Variants in TAGAP observed in about 807,000 individuals in gnomAD.
TAGAP encodes T-cell activation Rho GTPase-activating protein.
A neutral mutation model predicts 36.0 loss-of-function variants in TAGAP; 16 were observed. The observed-to-expected ratio is 0.44, with a 90% CI of 0.30 to 0.68. The LOEUF (loss-of-function observed/expected upper bound fraction) is 0.68. TAGAP is among the 30% of genes least tolerant of loss of function. The pLI, the probability that TAGAP is intolerant of heterozygous loss-of-function variation, is 0.09. For synonymous variants in TAGAP, 372 were observed against 377.4 expected (o/e 0.99, Z 0.17); for missense variants, 794 against 921.5 (o/e 0.86, Z 1.79).
rs1223312475 is a variant in TAGAP at position 159,035,934 on chromosome 6, C to T, written c.2089G>A (p.Val697Ile). The T allele has an allele frequency of 9.3e-6, 15 of 1,614,072 alleles. No individual in the cohort carries two copies. The highest frequency in any genetic ancestry group is 1.3e-5 in the African/African-American group (1 of 74,924). ...GRPELLPLRT[V>I]SESVQRNKRD... is the part of the protein sequence containing the mutation. ...TTATTCCTCTGCACGGACTCGGAGA[C>T]GGTCCTCAGCGGGAGGAGCTCAGGT... Residue 697 changes from valine to isoleucine, a missense_variant, in exon 10 of 10, where the codon GTC becomes ATC. Physicochemically the swap from Val to Ile is conservative, Grantham distance 29. Transcript: ENST00000367066.
At position 159,036,688 on chromosome 6, in the gene TAGAP, C is replaced by T. The variant is rs1358879000; in HGVS notation, c.1335G>A (p.Leu445=). 1 of 1,614,024 alleles carries T rather than the reference C, an allele frequency of 6.2e-7. No individual in the cohort carries two copies. Among genetic ancestry groups the T allele is most frequent in the African/African-American group, 1.3e-5 (1 of 74,910 alleles). Residue 445 remains leucine, a synonymous_variant, in exon 10 of 10, where the codon TTG becomes TTA. Coordinates refer to ENST00000367066, the MANE Select transcript of TAGAP (RefSeq NM_054114.5). The surrounding 1 kb of genome is among the most constrained non-coding windows in gnomAD (Gnocchi z 4.9). ...CCCGCGGGAGCACCGAACCCGGGGC[C>T]AAGTTCTTGATCTTCAGGTCCACCG... ...KRPVDLKIKN[L]APGSVLPRAL... is the part of the protein sequence containing the mutation.
Position 159,034,588 on chromosome 6 carries a change from C to G in TAGAP, c.*1239G>C, listed in dbSNP as rs1350173539. On this transcript the variant is annotated 3_prime_UTR_variant, in exon 10 of 10. Coordinates refer to ENST00000367066, the MANE Select transcript of TAGAP (RefSeq NM_054114.5). ...ATCTTAATAATCGAACAGTAAAGCT[C>G]TAATACAGTACAAACATTTTACCAT... 8 of 152,118 alleles carry G rather than the reference C, an allele frequency of 5.3e-5. No individual in the cohort carries two copies. The highest frequency in any genetic ancestry group is 1.2e-4 in the Non-Finnish European group (8 of 68,038). The allele number at this position is 152,118 out of a possible 1,614,324, so 9.4% of individuals were successfully genotyped here. A position where few individuals can be genotyped will look rare whatever the true frequency, so the allele number is the denominator to read the frequency against.
rs569606407 is a variant in TAGAP, at chr6:159,041,040, G to C, written c.478-208C>G. The stretch of plus-strand genomic sequence containing the variant: ...AACTTTCTAACATCAGGCAGAGTCA[G>C]AGGCACCATCCCCAGGTGGGTGTGT... On this transcript the variant is annotated intron_variant, in intron 6 of 9. Coordinates refer to ENST00000367066, the MANE Select transcript of TAGAP (RefSeq NM_054114.5). This position sits in a 1 kb window ranked among gnomAD's most constrained non-coding sequence, Gnocchi z 4.1. 26 of 585,836 alleles carry C rather than the reference G, an allele frequency of 4.4e-5. No individual in the cohort carries two copies. The East Asian group carries it at 7.1e-4, about 16-fold the overall frequency. 36.3% of individuals were successfully genotyped at this position (585,836 alleles called of 1,614,324 possible).
At position 159,035,957 on chromosome 6, in the gene TAGAP, G is replaced by C; in HGVS notation, c.2066C>G (p.Pro689Arg). 1 of 1,614,172 alleles carries C rather than the reference G, an allele frequency of 6.2e-7. No individual in the cohort carries two copies. Among genetic ancestry groups the C allele is most frequent in the African/African-American group, 1.3e-5 (1 of 75,042 alleles). ...GACGGTCCTCAGCGGGAGGAGCTCA[G>C]GTCTCCCTGGGCCAGACACGTGCCC... is the stretch of plus-strand genomic sequence containing the variant. Reference protein sequence around the residue: ...SLGHVSGPGRPELLPLRTVSE... With the variant: ...SLGHVSGPGRRELLPLRTVSE... Residue 689 changes from proline (P) to arginine (R), a missense_variant, in exon 10 of 10, where the codon CCT becomes CGT. By Grantham distance (103) the Pro-to-Arg change is moderately radical (BLOSUM62 -2). Transcript: ENST00000367066.
rs769005032 is a variant in TAGAP at position 159,036,555 on chromosome 6, A to G, written c.1468T>C (p.Ser490Pro). ...CCTTTCTCTGTCTTTGTGGTGAAAG[A>G]CTGATGTCTGCTGAAGAAATTTCTT... Reference protein sequence around the residue: ...PKRNFFSRHQSFTTKTEKGKP... With the variant: ...PKRNFFSRHQPFTTKTEKGKP... The change falls in exon 10 of 10, where the codon TCT becomes CCT. Residue 490 changes from serine to proline, a missense_variant. Coordinates refer to ENST00000367066, the MANE Select transcript of TAGAP (RefSeq NM_054114.5). This position sits in a 1 kb window ranked among gnomAD's most constrained non-coding sequence, Gnocchi z 4.9. The G allele has an allele frequency of 6.2e-7, 1 of 1,614,026 alleles. No homozygotes were observed. The highest frequency in any genetic ancestry group is 2.2e-5 in the East Asian group (1 of 44,860).
intron 8 of TAGAP, among the ~76,000 whole-genome samples, 165 bp from the exon 9 acceptor site, chr6:159,038,393 CT>C (rs34454153): frequency 2.9e-3 from 400 of 137,098 alleles, no homozygotes; most frequent in Middle Eastern, 3.9e-3. Context: ...CAATCAGATA[CT>C]TTTTTTTTTT....
chr6:159,044,765 A>G, intron 1 of TAGAP, 114 bp downstream of exon 1: 1 of 394,264 alleles, frequency 2.5e-6, no homozygotes, highest in Admixed American at 4.4e-5. Context: ...GAGACTTTAT[A>G]AAGTGAGAGC....
Position 159,036,053 on chromosome 6 carries a change from C to T in TAGAP, c.1970G>A (p.Gly657Asp). Residue 657 changes from glycine to aspartate, a missense_variant, in exon 10 of 10, where the codon GGC (glycine) becomes GAC (aspartate). By Grantham distance (94) the Gly-to-Asp change is moderately conservative (BLOSUM62 -1). Transcript: ENST00000367066. This position sits in a 1 kb window ranked among gnomAD's most constrained non-coding sequence, Gnocchi z 4.9. ...CTCAGGCAGGGGAGAGAGTCCGTGG[C>T]CAGGGAGTGGCTCTTTGCTGCCCCT... ...RHRGSKEPLP[G>D]HGLSPLPERW... 6.2e-7 allele frequency: 1 copy of T among 1,612,174 alleles called. No homozygotes were observed. Among genetic ancestry groups the T allele is most frequent in the South Asian group, 1.1e-5 (1 of 91,014 alleles).
At chr6:159,038,264 A>AATT in intron 8 of TAGAP, 36 bp from the exon 9 acceptor site, 2 of 825,290 alleles carry the variant, frequency 2.4e-6, no homozygotes, top group Non-Finnish European at 3.6e-6. Flanking sequence ...CAGCTTGAAG[A>AATT]CTTTTTTTTT....
chr6:159,044,958 C>T lies in TAGAP; in HGVS notation c.-138G>A. The stretch of plus-strand genomic sequence containing the variant: ...GGAGAAACAGCATAACTCTCTGCTC[C>T]TTCTAGTCCACTGGGAGAGAGAGAG... On this transcript the variant is annotated 5_prime_UTR_variant, in exon 1 of 10. Transcript: ENST00000367066. 2.5e-6 allele frequency: 1 copy of T among 398,542 alleles called. No homozygotes were observed. The highest frequency in any genetic ancestry group is 4.4e-6 in the Non-Finnish European group (1 of 226,050). 24.7% of individuals were successfully genotyped at this position (398,542 alleles called of 1,614,324 possible).
chr6:159,041,950 G>T lies in TAGAP; in HGVS notation c.315+128C>A. The T allele has an allele frequency of 9.5e-7, 1 of 1,056,458 alleles. No homozygotes were observed. The highest frequency in any genetic ancestry group is 1.4e-6 in the Non-Finnish European group (1 of 718,798). 65.4% of individuals were successfully genotyped at this position (1,056,458 alleles called of 1,614,324 possible). Reference sequence around the variant, plus strand: ...CTGCACGCGTATGTGGGAGTGCCATGTTGAAGAGTGGAAAATATGGAAGAT... The same window carrying T: ...CTGCACGCGTATGTGGGAGTGCCATTTTGAAGAGTGGAAAATATGGAAGAT... On this transcript the variant is annotated intron_variant, in intron 5 of 9. Coordinates refer to ENST00000367066, the MANE Select transcript of TAGAP (RefSeq NM_054114.5). The surrounding 1 kb of genome is among the most constrained non-coding windows in gnomAD (Gnocchi z 4.1).
At chr6:159,044,806 C>A in intron 1 of TAGAP, 73 bp downstream of exon 1, 1 of 397,136 alleles carries the variant, frequency 2.5e-6, no homozygotes, top group South Asian at 1.3e-4. Context: ...TTTCTGTTGC[C>A]TGTGATCTGA....
At position 159,039,147 on chromosome 6, in the gene TAGAP, C is replaced by T; in HGVS notation, c.750G>A (p.Leu250=). The change falls in exon 8 of 10, where the codon CTG becomes CTA. Residue 250 remains leucine (L), a synonymous_variant. Coordinates refer to ENST00000367066, the MANE Select transcript of TAGAP (RefSeq NM_054114.5). The part of the protein sequence containing the change: ...NMLTLENDQS[L]SFEAQKDLNN... Reference sequence around the variant, plus strand: ...TCAGGTCCTTCTGGGCTTCAAATGACAGGCTCTGGTCATTCTCCAGGGTGA... The same window carrying T: ...TCAGGTCCTTCTGGGCTTCAAATGATAGGCTCTGGTCATTCTCCAGGGTGA... 1 of 1,614,172 alleles carries T rather than the reference C, an allele frequency of 6.2e-7. No homozygotes were observed. Among genetic ancestry groups the T allele is most frequent in the Non-Finnish European group, 8.5e-7 (1 of 1,180,030 alleles).
rs1172476992 is a variant in TAGAP at position 159,040,782 on chromosome 6, C to G, written c.528G>C (p.Glu176Asp). ...GCATCTCCAGAGCACCCATCCACTCCTCAAAGAGGTCGCTTGAAAGTAGCT... is the reference window on the plus strand; with the variant it reads ...GCATCTCCAGAGCACCCATCCACTCGTCAAAGAGGTCGCTTGAAAGTAGCT... Reference protein sequence around the residue: ...PRKLLSSDLFEEWMGALEMQD... With the variant: ...PRKLLSSDLFDEWMGALEMQD... Residue 176 changes from glutamate (E) to aspartate (D), a missense_variant, in exon 7 of 10, where the codon GAG becomes GAC. Physicochemically the swap from Glu to Asp is conservative, Grantham distance 45. Transcript: ENST00000367066. 1 of 1,614,200 alleles carries G rather than the reference C, an allele frequency of 6.2e-7. No individual in the cohort carries two copies. The highest frequency in any genetic ancestry group is 8.5e-7 in the Non-Finnish European group (1 of 1,180,014).
At position 159,042,195 on chromosome 6, in the gene TAGAP, C is replaced by A; in HGVS notation, c.198G>T (p.Arg66Ser). The A allele has an allele frequency of 1.2e-6, 2 of 1,614,140 alleles. No individual in the cohort carries two copies. Among genetic ancestry groups the A allele is most frequent in the South Asian group, 2.2e-5 (2 of 91,082 alleles). Residue 66 changes from arginine to serine, a missense_variant, in exon 5 of 10, where the codon AGG (arginine) becomes AGT (serine). Arg to Ser is a moderately radical substitution (Grantham distance 110, BLOSUM62 -1). Transcript: ENST00000367066. The part of the protein sequence containing the change: ...KVLSWPFLMR[R>S]LSPASDFSGA... ...CAGAAAAATCTGATGCAGGGGAGAGCCTTCTCATGAGAAAGGGCCAGGACA... is the reference window on the plus strand; with the variant it reads ...CAGAAAAATCTGATGCAGGGGAGAGACTTCTCATGAGAAAGGGCCAGGACA...
rs1313777642 is a variant in TAGAP, at chr6:159,036,156, T to C, written c.1867A>G (p.Met623Val). 1 of 1,612,844 alleles carries C rather than the reference T, an allele frequency of 6.2e-7. No homozygotes were observed. The highest frequency in any genetic ancestry group is 8.5e-7 in the Non-Finnish European group (1 of 1,179,584). The change falls in exon 10 of 10, where the codon ATG becomes GTG. Residue 623 changes from methionine (M) to valine (V), a missense_variant. Coordinates refer to ENST00000367066, the MANE Select transcript of TAGAP (RefSeq NM_054114.5). This position sits in a 1 kb window ranked among gnomAD's most constrained non-coding sequence, Gnocchi z 4.9. Reference sequence around the variant, plus strand: ...TGCGCCTCCAGCATCCTCGCCCTCATGCTCCCCACCGTCATGCTCCCCACG... The same window carrying C: ...TGCGCCTCCAGCATCCTCGCCCTCACGCTCCCCACCGTCATGCTCCCCACG... ...QTVGSMTVGS[M>V]RARMLEAHCL... is the part of the protein sequence containing the mutation.
In TAGAP at chr6:159,036,268, A is replaced by G. The variant is rs778604066; in HGVS notation, c.1755T>C (p.Ala585=). ...GTGGGCTTCCAGGCCTCTCCCAGTCAGCTCCCTGGAACACATCATCCACCG... is the reference window on the plus strand; with the variant it reads ...GTGGGCTTCCAGGCCTCTCCCAGTCGGCTCCCTGGAACACATCATCCACCG... ...ALSVDDVFQG[A]DWERPGSPPS... Residue 585 remains alanine (A), a synonymous_variant, in exon 10 of 10, where the codon GCT becomes GCC. Transcript: ENST00000367066. This position sits in a 1 kb window ranked among gnomAD's most constrained non-coding sequence, Gnocchi z 4.9. The G allele has an allele frequency of 6.2e-7, 1 of 1,612,216 alleles. No individual in the cohort carries two copies. The highest frequency in any genetic ancestry group is 8.5e-7 in the Non-Finnish European group (1 of 1,179,836).
chr6:159,043,564 A>G (rs756985192), intron 4 of TAGAP, 25 bp downstream of exon 4: 21 of 1,611,614 alleles, frequency 1.3e-5, no homozygotes, highest in Admixed American at 1.2e-4. Flanking sequence ...CTTACATAAA[A>G]GATCGGTATG....
At position 159,036,997 on chromosome 6, in the gene TAGAP, C is replaced by T. The variant is rs768645169; in HGVS notation, c.1026G>A (p.Leu342=). Residue 342 remains leucine, a synonymous_variant, in exon 10 of 10, where the codon TTG becomes TTA. Coordinates refer to ENST00000367066, the MANE Select transcript of TAGAP (RefSeq NM_054114.5). The surrounding 1 kb of genome is among the most constrained non-coding windows in gnomAD (Gnocchi z 4.9). ...GGGCATCCTGTGGGCCCGCGCTATC[C>T]AAGCCAGCAGCTGTGGCCATGGGCA... The part of the protein sequence containing the change: ...PQVPMATAAG[L]DSAGPQDARE... 4 of 1,613,776 alleles carry T rather than the reference C, an allele frequency of 2.5e-6. No homozygotes were observed. The highest frequency in any genetic ancestry group is 2.5e-6 in the Non-Finnish European group (3 of 1,179,934).
Sources: allele counts gnomAD v4.1 joint callset (sites outside exome capture counted in the v4.1 genomes callset), GRCh38; gene constraint gnomAD v4.1.1; non-coding constraint Gnocchi (gnomAD v3.1); transcripts MANE v1.5; gene names NCBI Gene and HGNC (gene_info 2026-07-23, HGNC 2026-07-21).